PWWP2B: variants seen among roughly 807,000 people sequenced by gnomAD.
PWWP2B encodes the protein PWWP domain-containing protein 2B.
A neutral mutation model predicts 15.5 loss-of-function variants in PWWP2B; 9 were observed. The observed-to-expected ratio is 0.58, with a 90% confidence interval of 0.35 to 1.02. PWWP2B has a LOEUF of 1.02. Among genes scored for constraint, PWWP2B ranks in the 50% least tolerant of loss-of-function variants. PWWP2B has a pLI of 0.02. For missense variants in PWWP2B, 864 were observed against 865.3 expected, an observed-to-expected ratio of 1.00 and a Z score of 0.02; for synonymous variants, 474 against 403.6, an observed-to-expected ratio of 1.17 and a Z score of -2.09.
chr10:132,416,879 C>T (rs1033471098), intron 2 of PWWP2B, among the ~76,000 whole-genome samples, 182 bp from the exon 3 acceptor site: 1 of 152,138 alleles, frequency 6.6e-6, no homozygotes, highest in African/African-American at 2.4e-5. Context: ...GCACTCTCTC[C>T]CAGCACAGCC....
At chr10:132,400,325 T>C (rs68069358) in intron 1 of PWWP2B, among the ~76,000 whole-genome samples, 35,631 of 151,348 alleles carry the variant, frequency 0.24, 4,465 homozygotes, top group East Asian at 0.37. Flanking sequence ...GTAAGGAGGG[T>C]GTGGGGTGGG....
intron 2 of PWWP2B, among the ~76,000 whole-genome samples, chr10:132,410,914 C>T (rs2069770490): frequency 6.6e-6 from 1 of 152,162 alleles, no homozygotes; most frequent in South Asian, 2.1e-4. Context: ...AGGGGCCCAA[C>T]CCTTTCCCCT....
rs2069872184 is a variant in PWWP2B, at chr10:132,417,262, C to T, written c.*218C>T. 1.5e-6 allele frequency: 1 copy of T among 663,476 alleles called. No individual in the cohort carries two copies. The highest frequency in any genetic ancestry group is 2.7e-6 in the Non-Finnish European group (1 of 374,392). 41.1% of individuals were successfully genotyped at this position (663,476 alleles called of 1,614,324 possible). ...CTCCTCCCGCTGAGTGTATTTCTTC[C>T]CACCACTCAGCGCATGGCTGCCCTG... On this transcript the variant is annotated 3_prime_UTR_variant, in exon 3 of 3. Coordinates refer to ENST00000305233, the MANE Select transcript of PWWP2B (RefSeq NM_138499.4).
At chr10:132,412,996 G>C (rs1158500638) in intron 2 of PWWP2B, among the ~76,000 whole-genome samples, 1 of 152,270 alleles carries the variant, frequency 6.6e-6, no homozygotes, top group African/African-American at 2.4e-5. Flanking sequence ...ACAGCAGCCT[G>C]CTGGCATCTT....
At chr10:132,406,883 G>A (rs909107774) in intron 2 of PWWP2B, among the ~76,000 whole-genome samples, 7 of 152,276 alleles carry the variant, frequency 4.6e-5, no homozygotes, top group African/African-American at 1.2e-4. Context: ...GGGTCAGTGC[G>A]CACTCCGTCG....
intron 1 of PWWP2B, 151 bp downstream of exon 1, chr10:132,397,502 C>A: frequency 1.2e-6 from 1 of 835,666 alleles, no homozygotes. Context: ...TCGGGGCGCG[C>A]GAGCGCGGCC....
At chr10:132,402,305 G>A (rs529140857) in intron 1 of PWWP2B, among the ~76,000 whole-genome samples, 1 of 152,362 alleles carries the variant, frequency 6.6e-6, no homozygotes, top group South Asian at 2.1e-4. Context: ...TAGTGGGGTT[G>A]CCCCCTCCCT....
At chr10:132,407,924 G>A (rs1274527760) in intron 2 of PWWP2B, among the ~76,000 whole-genome samples, 1 of 152,232 alleles carries the variant, frequency 6.6e-6, no homozygotes, top group Non-Finnish European at 1.5e-5. Context: ...TCAGGCATTT[G>A]CGAGGCATGA....
At position 132,406,366 on chromosome 10, in the gene PWWP2B, G is replaced by A. The variant is rs533340910; in HGVS notation, c.*16+77G>A. On this transcript the variant is annotated intron_variant, in intron 2 of 2. Transcript: ENST00000305233. ...TGTGTCCAGGCCATGCCTCTGCTCCGGGCCCTGAGGCCCAGGGAGCCGCCG... is the reference window on the plus strand; with the variant it reads ...TGTGTCCAGGCCATGCCTCTGCTCCAGGCCCTGAGGCCCAGGGAGCCGCCG... The A allele has an allele frequency of 2.0e-5, 25 of 1,271,080 alleles. 1 individual carries two copies. The highest frequency in any genetic ancestry group is 1.2e-4 in the African/African-American group (8 of 66,498). 78.7% of individuals were successfully genotyped at this position (1,271,080 alleles called of 1,614,324 possible).
At chr10:132,398,241 C>T (rs992390800) in intron 1 of PWWP2B, among the ~76,000 whole-genome samples, 13 of 152,258 alleles carry the variant, frequency 8.5e-5, no homozygotes, top group African/African-American at 3.1e-4. Flanking sequence ...GCAGAGAGGA[C>T]CGTGTTCCTT....
chr10:132,400,523 G>C (rs920694462), intron 1 of PWWP2B, among the ~76,000 whole-genome samples: 1 of 152,156 alleles, frequency 6.6e-6, no homozygotes, highest in Non-Finnish European at 1.5e-5. Context: ...GGCCTTGGAG[G>C]AGGCGCTCCC....
chr10:132,403,176 G>C (rs1211169048), intron 1 of PWWP2B, among the ~76,000 whole-genome samples: 1 of 152,208 alleles, frequency 6.6e-6, no homozygotes, highest in East Asian at 1.9e-4. Flanking sequence ...GGCCAGAGGA[G>C]AATGGGGCGG....
chr10:132,404,802 C>CCCCCCCCCCCCCCCGGCCCCCGCG lies in PWWP2B; in HGVS notation c.302_303insCCCCCCCCCCCCCCGGCCCCCGCG (p.Pro104_Leu105insProArgProProArgProProPro). 1 of 1,521,446 alleles carries CCCCCCCCCCCCCCCGGCCCCCGCG rather than the reference C, an allele frequency of 6.6e-7. No homozygotes were observed. The highest frequency in any genetic ancestry group is 8.9e-7 in the Non-Finnish European group (1 of 1,124,758). 94.2% of individuals were successfully genotyped at this position (1,521,446 alleles called of 1,614,324 possible). On this transcript the variant is annotated inframe_insertion, in exon 2 of 3. Coordinates refer to ENST00000305233, the MANE Select transcript of PWWP2B (RefSeq NM_138499.4). ...CCCCCCGAGACCACCCGCCCCGAGC[C>CCCCCCCCCCCCCCCGGCCCCCGCG]ACCCCCGCCCCTCGTGCCGCCGCTG...
chr10:132,405,960 C>T lies in PWWP2B; in HGVS notation c.1460C>T (p.Thr487Ile). The part of the protein sequence containing the change: ...VSECITEDGR[T>I]VAVGDIVWGK... ...GAGTGCATCACGGAGGACGGCAGGA[C>T]TGTGGCCGTGGGGGACATCGTCTGG... Residue 487 changes from threonine (T) to isoleucine (I), a missense_variant, in exon 2 of 3, where the codon ACT (threonine) becomes ATT (isoleucine). By Grantham distance (89) the Thr-to-Ile change is moderately conservative. Around this residue, in one of 2 missense-constraint regions of PWWP2B, gnomAD observed 128 missense variants for 177.6 expected, o/e 0.72. Coordinates refer to ENST00000305233, the MANE Select transcript of PWWP2B (RefSeq NM_138499.4). The T allele has an allele frequency of 6.2e-7, 1 of 1,613,506 alleles. No individual in the cohort carries two copies.
rs952275687 is a variant in PWWP2B at position 132,417,451 on chromosome 10, C to T, written c.*407C>T. 8.8e-5 allele frequency: 27 copies of T among 305,722 alleles called. No individual in the cohort carries two copies. Among genetic ancestry groups the T allele is most frequent in the African/African-American group, 2.6e-4 (12 of 45,494 alleles). 18.9% of individuals were successfully genotyped at this position (305,722 alleles called of 1,614,324 possible). ...GGCCTGGCGCCCCGGCCTCGCCCAG[C>T]GGCTGGTGTGGGCAGCTGTTCCCTG... On this transcript the variant is annotated 3_prime_UTR_variant, in exon 3 of 3. Transcript: ENST00000305233.
In PWWP2B at chr10:132,416,479, C is replaced by T. The variant is rs149320957; in HGVS notation, c.*17-582C>T. Among the ~76,000 whole-genome samples the T allele has an allele frequency of 3.2e-3, 490 of 152,308 alleles. 1 individual carries two copies. Among genetic ancestry groups the T allele is most frequent in the African/African-American group, 0.01 (428 of 41,576 alleles). ...GGTCTTTTTGCCTGAGGTGGCCATC[C>T]GGGGCCTGCGTGGGCTCAGGTGGGG... On this transcript the variant is annotated intron_variant, in intron 2 of 2. Transcript: ENST00000305233.
chr10:132,409,181 C>G (rs1348225918), intron 2 of PWWP2B, among the ~76,000 whole-genome samples: 1 of 152,208 alleles, frequency 6.6e-6, no homozygotes, highest in Non-Finnish European at 1.5e-5. Flanking sequence ...TGGTCACGGC[C>G]GGCTCCAGGG....
rs576503153 is a variant in PWWP2B, at chr10:132,415,452, C to T, written c.*17-1609C>T. Among the ~76,000 whole-genome samples, 27 of 151,560 alleles carry T rather than the reference C, an allele frequency of 1.8e-4. No homozygotes were observed. The East Asian group carries it at 4.7e-3, about 26-fold the overall frequency. ...ACACATGCACTCTCACACTCACATCCACTCACACACGCACTCTCACATTCA... is the reference window on the plus strand; with the variant it reads ...ACACATGCACTCTCACACTCACATCTACTCACACACGCACTCTCACATTCA... On this transcript the variant is annotated intron_variant, in intron 2 of 2. Coordinates refer to ENST00000305233, the MANE Select transcript of PWWP2B (RefSeq NM_138499.4).
chr10:132,412,847 G>A lies in PWWP2B; in HGVS notation c.*17-4214G>A, dbSNP rs140734537. ...CGTGGCCGAGGAGTCCCTCCTGAGCGTGTGTGTCTCGTGAAAGCGCACATG... is the reference window on the plus strand; with the variant it reads ...CGTGGCCGAGGAGTCCCTCCTGAGCATGTGTGTCTCGTGAAAGCGCACATG... On this transcript the variant is annotated intron_variant, in intron 2 of 2. Transcript: ENST00000305233. 3.1e-3 allele frequency among the ~76,000 whole-genome samples: 478 copies of A among 152,352 alleles called. 5 individuals are homozygous for A. Among genetic ancestry groups the A allele is most frequent in the South Asian group, 0.022 (107 of 4,826 alleles).
Sources: allele counts gnomAD v4.1 joint callset (sites outside exome capture counted in the v4.1 genomes callset), GRCh38; gene constraint gnomAD v4.1.1; regional missense constraint gnomAD v4.1.1; transcripts MANE v1.5; gene names NCBI Gene and HGNC (gene_info 2026-07-23, HGNC 2026-07-21).